DNAJC17: variants seen among roughly 807,000 people sequenced by gnomAD.
The protein encoded by DNAJC17 is DnaJ heat shock protein family (Hsp40) member C17, also known as dnaJ homolog subfamily C member 17.
DNAJC17 carries 35 observed loss-of-function variants against 48.1 expected under a neutral mutation model. That is an observed-to-expected ratio of 0.73 (90% CI 0.56 to 0.96). The LOEUF (loss-of-function observed/expected upper bound fraction) is 0.96. DNAJC17 is among the 50% of genes least tolerant of loss of function. DNAJC17 has a pLI of 0.00. For synonymous variants in DNAJC17, 117 were observed against 142.7 expected, an observed-to-expected ratio of 0.82 and a Z score of 1.28; for missense variants, 355 against 377.1, an observed-to-expected ratio of 0.94 and a Z score of 0.48.
At chr15:40,773,185 C>G (rs1889206183) in intron 10 of DNAJC17, among the ~76,000 whole-genome samples, 1 of 152,122 alleles carries the variant, frequency 6.6e-6, no homozygotes, top group African/African-American at 2.4e-5. Context: ...GTCTTCAACT[C>G]CTGACCTCAG....
chr15:40,770,420 G>A lies in DNAJC17; in HGVS notation c.793-2358C>T. ...CCTAGGGGAGCCTCCCCAGCTGCTG[G>A]CACTCACTGCCCCAGCAGGGACCAC... On this transcript the variant is annotated intron_variant, in intron 10 of 10. Transcript: ENST00000220496. This position sits in a 1 kb window ranked among gnomAD's most constrained non-coding sequence, Gnocchi z 5.0. 2.1e-6 allele frequency: 3 copies of A among 1,414,708 alleles called. No homozygotes were observed. The highest frequency in any genetic ancestry group is 1.4e-5 in the South Asian group (1 of 69,798). The allele number at this position is 1,414,708 out of a possible 1,614,324, so 87.6% of individuals were successfully genotyped here.
rs1181911969 is a variant in DNAJC17, at chr15:40,767,290, C to T, written c.*650G>A. 2.9e-5 allele frequency: 46 copies of T among 1,604,820 alleles called. No homozygotes were observed. Among genetic ancestry groups the T allele is most frequent in the Non-Finnish European group, 3.7e-5 (44 of 1,175,870 alleles). ...GGACAAGCTGGAACGCAGGGGCTTC[C>T]GTGTGCTGAGCATGACGGGGGTGGG... On this transcript the variant is annotated 3_prime_UTR_variant, in exon 11 of 11. Transcript: ENST00000220496.
intron 1 of DNAJC17, among the ~76,000 whole-genome samples, chr15:40,790,300 G>A (rs541268063): frequency 1.3e-5 from 2 of 152,294 alleles, no homozygotes; most frequent in South Asian, 2.1e-4. Context: ...TGGGCCGGGC[G>A]CAGAGGCTCA....
chr15:40,795,960 G>C (rs1889932646), intron 1 of DNAJC17, among the ~76,000 whole-genome samples: 1 of 152,256 alleles, frequency 6.6e-6, no homozygotes, highest in South Asian at 2.1e-4. Context: ...CAGCATTGCT[G>C]CTTTCTAGAG....
intron 1 of DNAJC17, among the ~76,000 whole-genome samples, chr15:40,786,837 G>A (rs1889656765): frequency 6.6e-6 from 1 of 152,142 alleles, no homozygotes; most frequent in Non-Finnish European, 1.5e-5. Flanking sequence ...GCAGAAACTT[G>A]GTCTTTCTCC....
chr15:40,782,975 T>A (rs540988265), intron 1 of DNAJC17, among the ~76,000 whole-genome samples: 1 of 152,282 alleles, frequency 6.6e-6, no homozygotes, highest in East Asian at 1.9e-4. Flanking sequence ...CTGCCCTGCC[T>A]GCTCACCTCC....
At chr15:40,793,258 C>T (rs929388110) in intron 1 of DNAJC17, among the ~76,000 whole-genome samples, 1 of 152,086 alleles carries the variant, frequency 6.6e-6, no homozygotes, top group African/African-American at 2.4e-5. Context: ...ATAAAAACAC[C>T]AGTCATATAA....
At chr15:40,802,553 A>T (rs1010964395) in intron 1 of DNAJC17, among the ~76,000 whole-genome samples, 1 of 152,136 alleles carries the variant, frequency 6.6e-6, no homozygotes. Flanking sequence ...CAGATTTGAG[A>T]TTCAGAGAAG....
rs1039130494 is a variant in DNAJC17, at chr15:40,780,977, T to C, written c.79-980A>G. Reference sequence around the variant, plus strand: ...GCCTGGCCAACATGGCGAAACCCCATCTCTACTAAAAATACAAAAATTAGC... The same window carrying C: ...GCCTGGCCAACATGGCGAAACCCCACCTCTACTAAAAATACAAAAATTAGC... On this transcript the variant is annotated intron_variant, in intron 1 of 10. Coordinates refer to ENST00000220496, the MANE Select transcript of DNAJC17 (RefSeq NM_018163.3). Among the ~76,000 whole-genome samples the C allele has an allele frequency of 1.0e-4, 15 of 148,602 alleles. No homozygotes were observed. In the East Asian group the frequency reaches 3.0e-3, roughly 30 times the overall value.
In DNAJC17 at chr15:40,767,450, C is replaced by A; in HGVS notation, c.*490G>T. 1 of 1,326,544 alleles carries A rather than the reference C, an allele frequency of 7.5e-7. No homozygotes were observed. Among genetic ancestry groups the A allele is most frequent in the Non-Finnish European group, 1.0e-6 (1 of 983,176 alleles). The allele number at this position is 1,326,544 out of a possible 1,614,324, so 82.2% of individuals were successfully genotyped here. A position where few individuals can be genotyped will look rare whatever the true frequency, so the allele number is the denominator to read the frequency against. On this transcript the variant is annotated 3_prime_UTR_variant, in exon 11 of 11. Transcript: ENST00000220496. The stretch of plus-strand genomic sequence containing the variant: ...TCACCGTCTGCCTTGCTCCTCTCTT[C>A]CCAAATCATCACCGCCATGGGCCCA...
chr15:40,793,210 C>T (rs751504709), intron 1 of DNAJC17, among the ~76,000 whole-genome samples: 5 of 152,104 alleles, frequency 3.3e-5, no homozygotes, highest in African/African-American at 4.8e-5. Context: ...TCCCTTCTAA[C>T]TGCTGCAATA....
chr15:40,767,539 C>G lies in DNAJC17; in HGVS notation c.*401G>C, dbSNP rs1014236671. ...CGTCAAGCAGTGGGAGAGGGCAGTG[C>G]CCGGTGCCCTGGTGCTCCCAGCTGC... On this transcript the variant is annotated 3_prime_UTR_variant, in exon 11 of 11. Transcript: ENST00000220496. The G allele has an allele frequency of 4.4e-6, 3 of 678,006 alleles. No homozygotes were observed. The African/African-American group carries it at 5.7e-5, about 13-fold the overall frequency. 42.0% of individuals were successfully genotyped at this position (678,006 alleles called of 1,614,324 possible).
intron 1 of DNAJC17, among the ~76,000 whole-genome samples, chr15:40,792,280 A>G (rs1011180089): frequency 2.6e-5 from 4 of 152,258 alleles, no homozygotes; most frequent in Admixed American, 6.5e-5. Flanking sequence ...GCTAGCTTAA[A>G]GATAAAATAG....
In DNAJC17 at chr15:40,765,995, C is replaced by G. The variant is rs1194151324; in HGVS notation, c.*1945G>C. On this transcript the variant is annotated 3_prime_UTR_variant, in exon 11 of 11. Coordinates refer to ENST00000220496, the MANE Select transcript of DNAJC17 (RefSeq NM_018163.3). Reference sequence around the variant, plus strand: ...TGCCTCTGCTCCCTTTATACAACCTCCAAGCCCAGGGACAGGGCCCAGCAT... The same window carrying G: ...TGCCTCTGCTCCCTTTATACAACCTGCAAGCCCAGGGACAGGGCCCAGCAT... The G allele has an allele frequency of 1.5e-6, 1 of 689,126 alleles. No individual in the cohort carries two copies. Among genetic ancestry groups the G allele is most frequent in the Non-Finnish European group, 2.4e-6 (1 of 419,628 alleles). The allele number at this position is 689,126 out of a possible 1,614,324, so 42.7% of individuals were successfully genotyped here.
chr15:40,779,127 T>G (rs1889408058), intron 4 of DNAJC17, 96 bp downstream of exon 4: 10 of 1,276,436 alleles, frequency 7.8e-6, no homozygotes, highest in Non-Finnish European at 1.0e-5. Context: ...CAAAAGGCTT[T>G]GAGATGAGTT....
chr15:40,794,019 C>T (rs1426757188), intron 1 of DNAJC17, among the ~76,000 whole-genome samples: 1 of 152,134 alleles, frequency 6.6e-6, no homozygotes, highest in Non-Finnish European at 1.5e-5. Context: ...TCCATCTATT[C>T]TCAACACATG....
chr15:40,765,955 G>C lies in DNAJC17; in HGVS notation c.*1985C>G. 8.5e-7 allele frequency: 1 copy of C among 1,181,436 alleles called. No individual in the cohort carries two copies. Among genetic ancestry groups the C allele is most frequent in the Non-Finnish European group, 1.2e-6 (1 of 814,470 alleles). The allele number at this position is 1,181,436 out of a possible 1,614,324, so 73.2% of individuals were successfully genotyped here. The stretch of plus-strand genomic sequence containing the variant: ...CAGCCTCCCTCAGTATCCTCTCCCT[G>C]CCAGCCCCTAGACCTGCCTCTGCTC... On this transcript the variant is annotated 3_prime_UTR_variant, in exon 11 of 11. Coordinates refer to ENST00000220496, the MANE Select transcript of DNAJC17 (RefSeq NM_018163.3).
Position 40,770,330 on chromosome 15 carries a change from C to A in DNAJC17, c.793-2268G>T, listed in dbSNP as rs542934983. 3.4e-5 allele frequency: 23 copies of A among 679,148 alleles called. No homozygotes were observed. The South Asian group carries it at 4.4e-4, about 13-fold the overall frequency. 42.1% of individuals were successfully genotyped at this position (679,148 alleles called of 1,614,324 possible). A position where few individuals can be genotyped will look rare whatever the true frequency, so the allele number is the denominator to read the frequency against. On this transcript the variant is annotated intron_variant, in intron 10 of 10. Transcript: ENST00000220496. The surrounding 1 kb of genome is among the most constrained non-coding windows in gnomAD (Gnocchi z 5.0). ...GCAAAAAAGTTCCTTCTTCCTGAGC[C>A]CTCCTCTCACCATCCAAGATGTGGT...
chr15:40,773,881 C>T (rs776315265), intron 9 of DNAJC17, 44 bp from the exon 10 acceptor site: 59 of 1,550,458 alleles, frequency 3.8e-5, no homozygotes, highest in Non-Finnish European at 4.8e-5. Flanking sequence ...GTTGAGTCAG[C>T]TATAAAGAGG....
Sources: allele counts gnomAD v4.1 joint callset (sites outside exome capture counted in the v4.1 genomes callset), GRCh38; gene constraint gnomAD v4.1.1; non-coding constraint Gnocchi (gnomAD v3.1); transcripts MANE v1.5; gene names NCBI Gene and HGNC (gene_info 2026-07-23, HGNC 2026-07-21).